ERBB4: variants seen among roughly 807,000 people sequenced by gnomAD.
ERBB4 encodes erb-b2 receptor tyrosine kinase 4.
Under a neutral mutation model 158.0 loss-of-function variants are expected in ERBB4, and 42 were observed. The observed-to-expected ratio is 0.27, with a 90% CI of 0.21 to 0.34. The LOEUF (loss-of-function observed/expected upper bound fraction) is 0.34. Among genes scored for constraint, ERBB4 ranks in the 10% least tolerant of loss-of-function variants. The probability of loss-of-function intolerance (pLI) is 1.00; values close to 1 mark genes in which losing one functional copy is unlikely to be tolerated. For missense variants in ERBB4, 1,333 were observed against 1,624.1 expected (o/e 0.82, Z 3.08); for synonymous variants, 583 against 558.7 (o/e 1.04, Z -0.61).
chr2:211,705,160 T>C (rs551552820), intron 10 of ERBB4, among the ~76,000 whole-genome samples, 158 bp downstream of exon 10: 1 of 152,248 alleles, frequency 6.6e-6, no homozygotes, highest in Non-Finnish European at 1.5e-5. Context: ...TTTCTCCATG[T>C]TGGCCAGGAT....
intron 3 of ERBB4, among the ~76,000 whole-genome samples, chr2:211,916,144 C>T (rs190482559): frequency 7.2e-4 from 109 of 151,350 alleles, no homozygotes; most frequent in African/African-American, 2.4e-3. Context: ...GCCAAGTTTA[C>T]GCTATTGGAT....
At chr2:211,587,611 A>G (rs2068325570) in intron 19 of ERBB4, among the ~76,000 whole-genome samples, 1 of 152,122 alleles carries the variant, frequency 6.6e-6, no homozygotes, top group African/African-American at 2.4e-5. Flanking sequence ...TGGTTTCCAG[A>G]ACTGTGAGAA....
At chr2:212,377,155 C>T (rs1005709130) in intron 1 of ERBB4, among the ~76,000 whole-genome samples, 2 of 149,718 alleles carry the variant, frequency 1.3e-5, no homozygotes, top group Non-Finnish European at 3.0e-5. Flanking sequence ...AGAGGTAGTA[C>T]TAAAATGACT....
At position 212,495,166 on chromosome 2, in the gene ERBB4, C is replaced by G. The variant is rs116285054; in HGVS notation, c.82+43283G>C. Among the ~76,000 whole-genome samples the G allele has an allele frequency of 7.9e-3, 1,200 of 152,208 alleles. 18 individuals carry two copies. The highest frequency in any genetic ancestry group is 0.028 in the African/African-American group (1,148 of 41,532). ...TCCTATTTCCCTTAGTTACTTATTT[C>G]TATTGTTATTTAACATCATCATGTT... is the stretch of plus-strand genomic sequence containing the variant. On this transcript the variant is annotated intron_variant, in intron 1 of 27. Coordinates refer to ENST00000342788, the MANE Select transcript of ERBB4 (RefSeq NM_005235.3).
chr2:212,316,269 C>A lies in ERBB4; in HGVS notation c.83-191366G>T, dbSNP rs556072551. Among the ~76,000 whole-genome samples the A allele has an allele frequency of 2.6e-5, 4 of 151,466 alleles. No homozygotes were observed. The East Asian group carries it at 7.9e-4, about 30-fold the overall frequency. On this transcript the variant is annotated intron_variant, in intron 1 of 27. Coordinates refer to ENST00000342788, the MANE Select transcript of ERBB4 (RefSeq NM_005235.3). ...GTGCACTGTAAGAGTCACACACGCC[C>A]ACATGCATGTACACACACACACTGC...
chr2:211,388,022 T>C, intron 25 of ERBB4, 30 bp from the exon 26 acceptor site: 1 of 1,505,886 alleles, frequency 6.6e-7, no homozygotes, highest in Non-Finnish European at 9.2e-7. Context: ...GAATGATGGA[T>C]ATAATAAGAG....
chr2:211,867,985 C>T (rs190470572), intron 3 of ERBB4, among the ~76,000 whole-genome samples: 21 of 152,282 alleles, frequency 1.4e-4, no homozygotes, highest in Admixed American at 1.3e-3. Flanking sequence ...ATGGCATCTG[C>T]TCAAGAATGG....
At chr2:211,810,132 A>T (rs1411528482) in intron 3 of ERBB4, among the ~76,000 whole-genome samples, 1 of 152,134 alleles carries the variant, frequency 6.6e-6, no homozygotes, top group South Asian at 2.1e-4. Context: ...TTTTGGAATA[A>T]GTGTGATGTG....
At chr2:212,106,044 C>G (rs1388535842) in intron 2 of ERBB4, among the ~76,000 whole-genome samples, 1 of 152,128 alleles carries the variant, frequency 6.6e-6, no homozygotes, top group African/African-American at 2.4e-5. Context: ...TCAGGTATAT[C>G]TTTATCAGTA....
intron 25 of ERBB4, among the ~76,000 whole-genome samples, chr2:211,413,983 C>CA (rs2063325604): frequency 6.6e-6 from 1 of 151,852 alleles, no homozygotes; most frequent in South Asian, 2.1e-4. Context: ...CCCATTCCCC[C>CA]AGTGCATGTG....
At chr2:212,434,847 T>C (rs2092103394) in intron 1 of ERBB4, among the ~76,000 whole-genome samples, 1 of 152,058 alleles carries the variant, frequency 6.6e-6, no homozygotes, top group African/African-American at 2.4e-5. Context: ...CTAACCTGCC[T>C]ATTGGATAAA....
chr2:211,488,769 C>T (rs1400773593), intron 20 of ERBB4, among the ~76,000 whole-genome samples: 2 of 151,858 alleles, frequency 1.3e-5, no homozygotes, highest in African/African-American at 4.8e-5. Context: ...ATATTTTTTC[C>T]TGTAGAAGTA....
At chr2:211,385,978 TA>T (rs1455003379) in intron 27 of ERBB4, among the ~76,000 whole-genome samples, 3 of 152,220 alleles carry the variant, frequency 2.0e-5, no homozygotes, top group Non-Finnish European at 2.9e-5. Context: ...AGATATATTT[TA>T]AAAGGTTATT....
chr2:211,532,152 G>A (rs1036386049), intron 20 of ERBB4, among the ~76,000 whole-genome samples: 1 of 64,710 alleles, frequency 1.5e-5, no homozygotes, highest in African/African-American at 3.6e-5. Context: ...GAAGGGTTGT[G>A]GGGGGGGAAA....
At chr2:211,978,291 C>A (rs4673644) in intron 2 of ERBB4, among the ~76,000 whole-genome samples, 8 of 151,784 alleles carry the variant, frequency 5.3e-5, no homozygotes, top group Non-Finnish European at 8.8e-5. Context: ...TATAATTTCC[C>A]TAGCAAACAG....
chr2:211,585,187 C>T (rs1223972658), intron 19 of ERBB4, among the ~76,000 whole-genome samples: 1 of 151,920 alleles, frequency 6.6e-6, no homozygotes, highest in Admixed American at 6.6e-5. Context: ...CCCGTCTCTA[C>T]TAAAAATACA....
At chr2:211,859,129 G>A (rs930676548) in intron 3 of ERBB4, among the ~76,000 whole-genome samples, 3 of 152,134 alleles carry the variant, frequency 2.0e-5, no homozygotes, top group African/African-American at 7.2e-5. Context: ...CTCTGCCTCT[G>A]CAGCCTTCCC....
chr2:212,399,727 T>A (rs1267991333), intron 1 of ERBB4, among the ~76,000 whole-genome samples: 8 of 71,094 alleles, frequency 1.1e-4, no homozygotes, highest in Middle Eastern at 6.0e-3. Context: ...AAAAAAAAAA[T>A]TAGCCTGCTG....
intron 3 of ERBB4, among the ~76,000 whole-genome samples, chr2:211,825,141 T>A (rs1462530634): frequency 6.6e-6 from 1 of 151,910 alleles, no homozygotes; most frequent in South Asian, 2.1e-4. Context: ...TTCTTTTATA[T>A]CAAAAATCAC....
Sources: gnomAD v4.1 joint callset for allele counts (sites outside exome capture counted in the v4.1 genomes callset) on GRCh38, gnomAD v4.1.1 for gene constraint, MANE v1.5 for transcripts, NCBI Gene and HGNC (gene_info 2026-07-23, HGNC 2026-07-21) for gene names.